Variants in EIF4E3 observed in about 807,000 individuals in gnomAD.
EIF4E3 encodes eukaryotic translation initiation factor 4E type 3.
EIF4E3 carries 26 observed loss-of-function variants against 31.7 expected under a neutral mutation model. The observed-to-expected ratio is 0.82, with a 90% CI of 0.60 to 1.14. The LOEUF is 1.14. Among genes scored for constraint, EIF4E3 ranks in the 50% most tolerant of loss-of-function variants. The pLI is 0.00. For missense variants in EIF4E3, 304 were observed against 270.9 expected (o/e 1.12, Z -0.86); for synonymous variants, 128 against 107.7 (o/e 1.19, Z -1.17).
chr3:71,710,494 C>G lies in EIF4E3; in HGVS notation c.177-10G>C, dbSNP rs1345662637. 1 of 1,551,776 alleles carries G rather than the reference C, an allele frequency of 6.4e-7. No homozygotes were observed. On this transcript the variant is annotated splice_polypyrimidine_tract_variant and intron_variant, in intron 1 of 6. Coordinates refer to ENST00000425534, the MANE Select transcript of EIF4E3 (RefSeq NM_001134651.2). Reference sequence around the variant, plus strand: ...GGCACCAGGGAGGGATCTAGGCAAGCAGGAGCAGGACAAAGACACAAACAA... The same window carrying G: ...GGCACCAGGGAGGGATCTAGGCAAGGAGGAGCAGGACAAAGACACAAACAA...
At position 71,683,177 on chromosome 3, in the gene EIF4E3, C is replaced by T. The variant is rs887468894; in HGVS notation, c.*1505G>A. 4 of 152,108 alleles carry T rather than the reference C, an allele frequency of 2.6e-5. No individual in the cohort carries two copies. The highest frequency in any genetic ancestry group is 5.9e-5 in the Non-Finnish European group (4 of 68,010). The allele number at this position is 152,108 out of a possible 1,614,324, so 9.4% of individuals were successfully genotyped here. A position where few individuals can be genotyped will look rare whatever the true frequency, so the allele number is the denominator to read the frequency against. ...CTAACCAAGTGAAGGGCACAACTTC[C>T]ATAAGCAGATAATGTTCAAAGTCCT... On this transcript the variant is annotated 3_prime_UTR_variant, in exon 7 of 7. Coordinates refer to ENST00000425534, the MANE Select transcript of EIF4E3 (RefSeq NM_001134651.2).
At chr3:71,735,553 G>A (rs907769383) in intron 1 of EIF4E3, among the ~76,000 whole-genome samples, 1 of 152,182 alleles carries the variant, frequency 6.6e-6, no homozygotes, top group Non-Finnish European at 1.5e-5. Flanking sequence ...TAACAGCAGA[G>A]CACCTTGTGA....
In EIF4E3 at chr3:71,677,169, TG is replaced by T. The variant is rs2048880828; in HGVS notation, c.*7512del. 2.6e-5 allele frequency: 4 copies of T among 152,346 alleles called. No homozygotes were observed. In the South Asian group the frequency reaches 8.3e-4, roughly 32 times the overall value. The allele number at this position is 152,346 out of a possible 1,614,324, so 9.4% of individuals were successfully genotyped here. A position where few individuals can be genotyped will look rare whatever the true frequency, so the allele number is the denominator to read the frequency against. ...GCTTATGATTTAAACTTATTTTCTCTGGCAAGAAATAAGCTAGTCAGCACCA... is the reference window on the plus strand; with the variant it reads ...GCTTATGATTTAAACTTATTTTCTCTGCAAGAAATAAGCTAGTCAGCACCA... On this transcript the variant is annotated 3_prime_UTR_variant, in exon 7 of 7. Coordinates refer to ENST00000425534, the MANE Select transcript of EIF4E3 (RefSeq NM_001134651.2).
intron 1 of EIF4E3, among the ~76,000 whole-genome samples, chr3:71,736,774 C>T (rs998547141): frequency 3.3e-5 from 5 of 152,098 alleles, no homozygotes; most frequent in African/African-American, 1.2e-4. Flanking sequence ...TATACAAATC[C>T]GAGAGTGAGC....
rs1349029404 is a variant in EIF4E3, at chr3:71,725,038, G to A, written c.176+154C>T. ...CCGAAGCTGGCTTCCGACCCGGCGG[G>A]GCGAGTCCCGGGGTGCGCAGGCGGA... On this transcript the variant is annotated intron_variant, in intron 1 of 6. Transcript: ENST00000425534. This position sits in a 1 kb window ranked among gnomAD's most constrained non-coding sequence, Gnocchi z 6.1. Among the ~76,000 whole-genome samples the A allele has an allele frequency of 1.3e-5, 2 of 151,938 alleles. No homozygotes were observed. Among genetic ancestry groups the A allele is most frequent in the African/African-American group, 4.8e-5 (2 of 41,412 alleles).
At chr3:71,749,686 A>G (rs897874266) in intron 1 of EIF4E3, among the ~76,000 whole-genome samples, 2 of 151,514 alleles carry the variant, frequency 1.3e-5, no homozygotes, top group African/African-American at 4.8e-5. Flanking sequence ...AGTGACATAA[A>G]TGATTTGGGG....
chr3:71,723,552 T>C (rs2049583021), intron 1 of EIF4E3, among the ~76,000 whole-genome samples: 1 of 152,258 alleles, frequency 6.6e-6, no homozygotes, highest in Admixed American at 6.5e-5. Context: ...GTGTTATCTG[T>C]AGTATTGACA....
chr3:71,690,929 A>C (rs1234232618), intron 5 of EIF4E3, among the ~76,000 whole-genome samples: 1 of 152,240 alleles, frequency 6.6e-6, no homozygotes, highest in African/African-American at 2.4e-5. Flanking sequence ...ACATTGATTA[A>C]GGTGGACTTT....
At position 71,682,330 on chromosome 3, in the gene EIF4E3, G is replaced by C. The variant is rs999748947; in HGVS notation, c.*2352C>G. On this transcript the variant is annotated 3_prime_UTR_variant, in exon 7 of 7. Coordinates refer to ENST00000425534, the MANE Select transcript of EIF4E3 (RefSeq NM_001134651.2). ...GGATGAAAAGACCGGGATTCTACTG[G>C]AAGTTTGCACTTTCCCCACATCAGC... 4 of 152,164 alleles carry C rather than the reference G, an allele frequency of 2.6e-5. No individual in the cohort carries two copies. Among genetic ancestry groups the C allele is most frequent in the African/African-American group, 7.2e-5 (3 of 41,436 alleles). The allele number at this position is 152,164 out of a possible 1,614,324, so 9.4% of individuals were successfully genotyped here. A position where few individuals can be genotyped will look rare whatever the true frequency, so the allele number is the denominator to read the frequency against.
intron 3 of EIF4E3, 129 bp from the exon 4 acceptor site, chr3:71,696,649 T>G: frequency 9.4e-7 from 1 of 1,066,250 alleles, no homozygotes; most frequent in Non-Finnish European, 1.4e-6. Flanking sequence ...TTGGGCATTT[T>G]TCTTATTTTT....
At chr3:71,696,890 T>C (rs1371164134) in intron 3 of EIF4E3, among the ~76,000 whole-genome samples, 2 of 151,298 alleles carry the variant, frequency 1.3e-5, no homozygotes, top group African/African-American at 4.9e-5. Context: ...TAAATTTTTT[T>C]TGTATTTTTA....
At chr3:71,689,530 T>C (rs569089098) in intron 6 of EIF4E3, among the ~76,000 whole-genome samples, 11 of 152,228 alleles carry the variant, frequency 7.2e-5, no homozygotes, top group African/African-American at 2.7e-4. Context: ...TAGTCATTCA[T>C]AATGAGGAAG....
At chr3:71,743,570 C>T (rs1048957007) in intron 1 of EIF4E3, among the ~76,000 whole-genome samples, 2 of 152,038 alleles carry the variant, frequency 1.3e-5, no homozygotes, top group African/African-American at 4.8e-5. Flanking sequence ...AGACACAACC[C>T]CAATTAATAT....
chr3:71,702,704 A>C (rs1287182965), intron 2 of EIF4E3, among the ~76,000 whole-genome samples: 1 of 146,876 alleles, frequency 6.8e-6, no homozygotes, highest in Admixed American at 6.7e-5. Flanking sequence ...ATATCCGGTC[A>C]CACCATTAAA....
upstream of EIF4E3, among the ~76,000 whole-genome samples, chr3:71,730,013 A>C (rs1031836174): frequency 1.3e-5 from 2 of 152,222 alleles, no homozygotes; most frequent in African/African-American, 4.8e-5. Flanking sequence ...AAGAAAAAGG[A>C]AGGCAATGGC....
At chr3:71,669,617 G>A in the EIF4E3 span, among the ~76,000 whole-genome samples, 2 of 151,952 alleles carry the variant, frequency 1.3e-5, no homozygotes, top group Non-Finnish European at 2.9e-5. Flanking sequence ...AGTCACTGAT[G>A]CATTTTTATG....
chr3:71,720,154 G>A (rs967648275), intron 1 of EIF4E3, among the ~76,000 whole-genome samples: 1 of 151,848 alleles, frequency 6.6e-6, no homozygotes, highest in African/African-American at 2.4e-5. Flanking sequence ...GAAACTAAAG[G>A]GGTCTTTTTA....
intron 1 of EIF4E3, among the ~76,000 whole-genome samples, chr3:71,723,918 A>G (rs2049588343): frequency 6.6e-6 from 1 of 152,186 alleles, no homozygotes; most frequent in Non-Finnish European, 1.5e-5. Context: ...AATGGCAGCA[A>G]GTGACAATTC....
upstream of EIF4E3, among the ~76,000 whole-genome samples, chr3:71,729,771 C>G (rs935545): frequency 0.27 from 39,839 of 149,820 alleles, 5,470 homozygotes; most frequent in East Asian, 0.42. Flanking sequence ...AGAAATTCCT[C>G]TCTCTGGGAG....
Sources: gnomAD v4.1 joint callset for allele counts (sites outside exome capture counted in the v4.1 genomes callset) on GRCh38, gnomAD v4.1.1 for gene constraint, Gnocchi (gnomAD v3.1) non-coding constraint, MANE v1.5 for transcripts, NCBI Gene and HGNC (gene_info 2026-07-23, HGNC 2026-07-21) for gene names.